RAB7A: variants seen among roughly 807,000 people sequenced by gnomAD.
RAB7A encodes the protein RAB7A, member RAS oncogene family, also known as ras-related protein Rab-7a.
In RAB7A, 2 loss-of-function variants were observed where a neutral mutation model predicts 24.5. That is an observed-to-expected ratio of 0.08 (90% CI 0.03 to 0.26). The LOEUF (loss-of-function observed/expected upper bound fraction) is 0.26. Among genes scored for constraint, RAB7A ranks in the 10% least tolerant of loss-of-function variants. RAB7A has a pLI of 1.00. For missense variants in RAB7A, 118 were observed against 255.7 expected (o/e 0.46, Z 3.67); for synonymous variants, 100 against 95.9 (o/e 1.04, Z -0.25).
rs879887520 is a variant in RAB7A, at chr3:128,781,083, A to G, written c.-8-14277A>G. ...ATCACACTGCAGTTTTAGGTAGTAT[A>G]TAGCTGAATGCATAATTTGTATTAG... On this transcript the variant is annotated intron_variant, in intron 1 of 5. Coordinates refer to ENST00000265062, the MANE Select transcript of RAB7A (RefSeq NM_004637.6). 1.3e-4 allele frequency among the ~76,000 whole-genome samples: 20 copies of G among 152,370 alleles called. No individual in the cohort carries two copies. In the East Asian group the frequency reaches 3.7e-3, roughly 28 times the overall value.
At chr3:128,812,209 G>T (rs760370783) in intron 5 of RAB7A, among the ~76,000 whole-genome samples, 1 of 152,296 alleles carries the variant, frequency 6.6e-6, no homozygotes, top group East Asian at 1.9e-4. Context: ...TGACCTCCCG[G>T]GTTCAAGCAA....
At chr3:128,788,951 T>A (rs1169646193) in intron 1 of RAB7A, among the ~76,000 whole-genome samples, 1 of 152,232 alleles carries the variant, frequency 6.6e-6, no homozygotes, top group African/African-American at 2.4e-5. Flanking sequence ...TAAAGGAAGA[T>A]GCCAGCTTTT....
At chr3:128,809,951 T>C (rs1286792473) in intron 5 of RAB7A, among the ~76,000 whole-genome samples, 13 of 102,918 alleles carry the variant, frequency 1.3e-4, no homozygotes, top group Non-Finnish European at 2.7e-4. Context: ...TTTTTTTTTT[T>C]TTTTTTTTTT....
Position 128,750,068 on chromosome 3 carries a change from G to A in RAB7A, c.-9+23709G>A, listed in dbSNP as rs550526545. On this transcript the variant is annotated intron_variant, in intron 1 of 5. Transcript: ENST00000265062. ...ACTTGTTGAATGGCTCTGACCAAAAGCCTGATAGCAATATGGACAATAAGG... is the reference window on the plus strand; with the variant it reads ...ACTTGTTGAATGGCTCTGACCAAAAACCTGATAGCAATATGGACAATAAGG... Among the ~76,000 whole-genome samples the A allele has an allele frequency of 2.6e-3, 401 of 152,302 alleles. 4 individuals carry two copies. Among genetic ancestry groups the A allele is most frequent in the African/African-American group, 9.1e-3 (378 of 41,552 alleles).
At chr3:128,733,216 C>G (rs745759934) in intron 1 of RAB7A, among the ~76,000 whole-genome samples, 2 of 152,156 alleles carry the variant, frequency 1.3e-5, no homozygotes, top group African/African-American at 2.4e-5. Flanking sequence ...CATCGATGCC[C>G]TGATGCTTGC....
intron 1 of RAB7A, among the ~76,000 whole-genome samples, chr3:128,746,975 T>G (rs548996506): frequency 6.6e-6 from 1 of 151,922 alleles, no homozygotes; most frequent in East Asian, 1.9e-4. Flanking sequence ...CATAAATGTA[T>G]ACAATTATGA....
intron 1 of RAB7A, among the ~76,000 whole-genome samples, chr3:128,774,997 G>T (rs577494603): frequency 1.3e-5 from 2 of 152,102 alleles, no homozygotes; most frequent in South Asian, 2.1e-4. Context: ...GGCCAGGTTG[G>T]TCTCAAACTC....
At chr3:128,727,920 G>A (rs1232900154) in intron 1 of RAB7A, among the ~76,000 whole-genome samples, 1 of 151,998 alleles carries the variant, frequency 6.6e-6, no homozygotes, top group Non-Finnish European at 1.5e-5. Flanking sequence ...CTAAGTTAAA[G>A]CTTAGCGTTC....
chr3:128,763,469 G>C (rs1034218395), intron 1 of RAB7A, among the ~76,000 whole-genome samples: 7 of 151,840 alleles, frequency 4.6e-5, no homozygotes, highest in Non-Finnish European at 1.0e-4. Flanking sequence ...CGCCTGTCTT[G>C]GCCTCCCAAA....
intron 1 of RAB7A, among the ~76,000 whole-genome samples, chr3:128,781,326 C>T (rs1933213643): frequency 6.7e-6 from 1 of 148,592 alleles, no homozygotes; most frequent in Non-Finnish European, 1.5e-5. Context: ...TGCATTATCT[C>T]ATTTGTGGAG....
Position 128,797,991 on chromosome 3 carries a change from C to T in RAB7A, c.102C>T (p.Ser34=), listed in dbSNP as rs1294564380. ...LMNQYVNKKF[S]NQYKATIGAD... is the part of the protein sequence containing the mutation. ...ACCAGTATGTGAATAAGAAATTCAG[C>T]AATCAGTACAAAGCCACAATAGGAG... Residue 34 remains serine (S), a synonymous_variant, in exon 3 of 6, where the codon AGC becomes AGT. Transcript: ENST00000265062. 5.6e-6 allele frequency: 9 copies of T among 1,613,676 alleles called. No individual in the cohort carries two copies. The highest frequency in any genetic ancestry group is 7.6e-6 in the Non-Finnish European group (9 of 1,179,586).
At chr3:128,729,529 C>T (rs1192095888) in intron 1 of RAB7A, among the ~76,000 whole-genome samples, 2 of 150,162 alleles carry the variant, frequency 1.3e-5, no homozygotes, top group Non-Finnish European at 3.0e-5. Flanking sequence ...GAGATCATGC[C>T]GCTGCACTCC....
chr3:128,763,689 C>T (rs1216502819), intron 1 of RAB7A, among the ~76,000 whole-genome samples: 1 of 152,094 alleles, frequency 6.6e-6, no homozygotes, highest in African/African-American at 2.4e-5. Flanking sequence ...TTAGGAAGTG[C>T]TCTGTGGGGT....
At chr3:128,734,006 G>T (rs182329985) in intron 1 of RAB7A, among the ~76,000 whole-genome samples, 1 of 152,174 alleles carries the variant, frequency 6.6e-6, no homozygotes, top group East Asian at 1.9e-4. Context: ...TTTCTTTATG[G>T]CACCATGGTA....
At position 128,741,245 on chromosome 3, in the gene RAB7A, A is replaced by G. The variant is rs1284302083; in HGVS notation, c.-9+14886A>G. Among the ~76,000 whole-genome samples, 3 of 152,030 alleles carry G rather than the reference A, an allele frequency of 2.0e-5. No homozygotes were observed. In the East Asian group the frequency reaches 5.8e-4, roughly 29 times the overall value. The stretch of plus-strand genomic sequence containing the variant: ...GTTGCAAACATTATTCCTGGCTTGT[A>G]TCTCTTGGTCTTGTTTGGCTGATGG... On this transcript the variant is annotated intron_variant, in intron 1 of 5. Transcript: ENST00000265062.
chr3:128,779,679 A>G (rs1933178148), intron 1 of RAB7A, among the ~76,000 whole-genome samples: 1 of 151,492 alleles, frequency 6.6e-6, no homozygotes, highest in South Asian at 2.1e-4. Context: ...GCAGCCTTGA[A>G]CTCCTAGGCT....
intron 2 of RAB7A, 93 bp from the exon 3 acceptor site, chr3:128,797,850 G>T: frequency 6.8e-7 from 1 of 1,471,382 alleles, no homozygotes; most frequent in Non-Finnish European, 9.5e-7. Flanking sequence ...TGTCCTTCAG[G>T]TCAGGCAGAT....
chr3:128,813,416 T>C lies in RAB7A; in HGVS notation c.618T>C (p.Ser206=). 1.9e-6 allele frequency: 3 copies of C among 1,614,022 alleles called. No homozygotes were observed. Among genetic ancestry groups the C allele is most frequent in the Non-Finnish European group, 2.5e-6 (3 of 1,179,928 alleles). The change falls in exon 6 of 6, where the codon AGT becomes AGC. Residue 206 remains serine, a synonymous_variant. Coordinates refer to ENST00000265062, the MANE Select transcript of RAB7A (RefSeq NM_004637.6). ...CCAAGGCCTCGGCAGAAAGCTGCAGTTGCTGAGGGGGCAGTGAGAGTTGAG... is the reference window on the plus strand; with the variant it reads ...CCAAGGCCTCGGCAGAAAGCTGCAGCTGCTGAGGGGGCAGTGAGAGTTGAG... ...DRAKASAESC[S]C
chr3:128,782,767 AG>A (rs1933248347), intron 1 of RAB7A, among the ~76,000 whole-genome samples: 1 of 152,078 alleles, frequency 6.6e-6, no homozygotes. Context: ...TTATTACCAA[AG>A]GATCACAGGT....
Sources: allele counts gnomAD v4.1 joint callset (sites outside exome capture counted in the v4.1 genomes callset), GRCh38; gene constraint gnomAD v4.1.1; transcripts MANE v1.5; gene names NCBI Gene and HGNC (gene_info 2026-07-23, HGNC 2026-07-21).